Variants in WDPCP observed in about 807,000 individuals in gnomAD.
WDPCP encodes WD repeat containing planar cell polarity effector.
WDPCP carries 71 observed loss-of-function variants against 93.1 expected under a neutral mutation model. That is an observed-to-expected ratio of 0.76 (90% CI 0.63 to 0.93). The LOEUF (loss-of-function observed/expected upper bound fraction) is 0.93. Among genes scored for constraint, WDPCP ranks in the 40% least tolerant of loss-of-function variants. The pLI, the probability that WDPCP is intolerant of heterozygous loss-of-function variation, is 0.00. For synonymous variants in WDPCP, 315 were observed against 315.0 expected, an observed-to-expected ratio of 1.00 and a Z score of 0.00; for missense variants, 844 against 887.4, an observed-to-expected ratio of 0.95 and a Z score of 0.62.
At position 63,759,450 on chromosome 2, in the gene WDPCP, A is replaced by G. The variant is rs140404021; in HGVS notation, n.308+54172T>C. ...ACTTGAGTACAGGACCAGCTACACA[A>G]TTGCAGGGCTTGGTACAAAACAAAA... On this transcript the variant is annotated intron_variant and non_coding_transcript_variant, in intron 2 of 4. Coordinates refer to the WDPCP transcript ENST00000467687. Among the ~76,000 whole-genome samples, 627 of 152,282 alleles carry G rather than the reference A, an allele frequency of 4.1e-3. 3 individuals are homozygous for G. Among genetic ancestry groups the G allele is most frequent in the African/African-American group, 0.014 (587 of 41,560 alleles).
chr2:63,811,817 G>A lies in WDPCP; in HGVS notation n.308+1805C>T, dbSNP rs1005583375. On this transcript the variant is annotated intron_variant and non_coding_transcript_variant, in intron 2 of 4. Transcript: ENST00000467687. ...ACTGTTTTCATCTTTGTGTTCATGT[G>A]TACCCACTGTTTAGCTCCCACTTAC... is the stretch of plus-strand genomic sequence containing the variant. Among the ~76,000 whole-genome samples, 3 of 151,966 alleles carry A rather than the reference G, an allele frequency of 2.0e-5. No homozygotes were observed. In the South Asian group the frequency reaches 6.2e-4, roughly 32 times the overall value.
At chr2:63,291,673 G>A (rs1345653350) in intron 13 of WDPCP, among the ~76,000 whole-genome samples, 2 of 152,242 alleles carry the variant, frequency 1.3e-5, no homozygotes, top group South Asian at 4.1e-4. Context: ...GCTGGGCATG[G>A]TGGCTTATGC....
chr2:63,717,839 C>G, intron 2 of WDPCP: 1 of 235,096 alleles, frequency 4.3e-6, no homozygotes, highest in Non-Finnish European at 8.4e-6. Context: ...GAGCCCGAGG[C>G]CTCCCTCTAG....
chr2:63,166,902 T>C (rs1673033741), intron 15 of WDPCP, among the ~76,000 whole-genome samples: 1 of 152,216 alleles, frequency 6.6e-6, no homozygotes, highest in Non-Finnish European at 1.5e-5. Flanking sequence ...ACTCATTCTA[T>C]CTGATTGTAT....
rs752158034 is a variant in WDPCP at position 63,484,979 on chromosome 2, A to C, written c.262T>G (p.Tyr88Asp). 2 of 1,612,562 alleles carry C rather than the reference A, an allele frequency of 1.2e-6. No individual in the cohort carries two copies. The highest frequency in any genetic ancestry group is 1.7e-6 in the Non-Finnish European group (2 of 1,178,958). ...KKQKLAESRDYPWTLKNRRPE... is the reference protein window; with the variant it reads ...KKQKLAESRDDPWTLKNRRPE... ...CGTCTGTTTTTGAGCGTCCAAGGAT[A>C]ATCTCGTGCTGGCAAATAAAACATG... is the stretch of plus-strand genomic sequence containing the variant. The change falls in exon 5 of 18, where the codon TAT becomes GAT. Residue 88 changes from tyrosine to aspartate, a missense_variant. Coordinates refer to ENST00000272321, the MANE Select transcript of WDPCP (RefSeq NM_015910.7).
intron 1 of WDPCP, among the ~76,000 whole-genome samples, chr2:63,526,164 T>C (rs182799362): frequency 6.6e-6 from 1 of 152,278 alleles, no homozygotes; most frequent in Admixed American, 6.5e-5. Flanking sequence ...TACCAGCCCT[T>C]CTATTTAAGG....
chr2:63,612,931 C>CTTTTTTTTTTTTT (rs553611122), intron 3 of WDPCP, among the ~76,000 whole-genome samples: 2 of 142,242 alleles, frequency 1.4e-5, no homozygotes, highest in Non-Finnish European at 3.1e-5. Flanking sequence ...TTCTTTCTTT[C>CTTTTTTTTTTTTT]TTTTTTTTTT....
At chr2:63,744,417 A>C (rs1000572449) in intron 2 of WDPCP, among the ~76,000 whole-genome samples, 1 of 152,140 alleles carries the variant, frequency 6.6e-6, no homozygotes, top group African/African-American at 2.4e-5. Context: ...TGTTGCTGCC[A>C]TCAAAGGAAC....
chr2:63,346,147 A>G (rs1689175267), intron 12 of WDPCP, among the ~76,000 whole-genome samples: 1 of 152,266 alleles, frequency 6.6e-6, no homozygotes, highest in South Asian at 2.1e-4. Flanking sequence ...CAAGAGATGG[A>G]GCTAATTGCT....
At chr2:63,802,237 G>A (rs1012189213) in intron 2 of WDPCP, among the ~76,000 whole-genome samples, 8 of 118,368 alleles carry the variant, frequency 6.8e-5, no homozygotes, top group Non-Finnish European at 1.3e-4. Flanking sequence ...CTTGCATCCA[G>A]GAGTTTGAGA....
At chr2:63,808,805 C>A (rs1046930572) in intron 2 of WDPCP, among the ~76,000 whole-genome samples, 1 of 151,922 alleles carries the variant, frequency 6.6e-6, no homozygotes, top group Non-Finnish European at 1.5e-5. Context: ...GGCCGCCCAT[C>A]GTCTGGGACA....
intron 3 of WDPCP, chr2:63,598,087 AAT>A (rs1709352154): frequency 6.6e-6 from 1 of 152,070 alleles, no homozygotes; most frequent in African/African-American, 2.4e-5. Context: ...TTTAGATTCT[AAT>A]ATGTCTTAAT....
chr2:63,404,356 G>A lies in WDPCP; in HGVS notation c.1127C>T (p.Thr376Ile), dbSNP rs1423057040. The A allele has an allele frequency of 6.2e-7, 1 of 1,614,066 alleles. No individual in the cohort carries two copies. Among genetic ancestry groups the A allele is most frequent in the Non-Finnish European group, 8.5e-7 (1 of 1,180,022 alleles). ...GCTTATTAATGAAGGCAAAAGTTCA[G>A]TCTGTGCTAAGAGAGTCACTCTACG... Reference protein sequence around the residue: ...THRRVTLLAQTELLPSLISCH... With the variant: ...THRRVTLLAQIELLPSLISCH... The change falls in exon 10 of 18, where the codon ACT becomes ATT. Residue 376 changes from threonine to isoleucine, a missense_variant. By Grantham distance (89) the Thr-to-Ile change is moderately conservative. Coordinates refer to ENST00000272321, the MANE Select transcript of WDPCP (RefSeq NM_015910.7).
Position 63,286,310 on chromosome 2 carries a change from GC to G in WDPCP, c.1813-26902del, listed in dbSNP as rs370752350. ...AAGATCCACAAAAGAAGTGAAAATA[GC>G]CTTAACTGATGACATTCCACCATTG... is the stretch of plus-strand genomic sequence containing the variant. On this transcript the variant is annotated intron_variant, in intron 13 of 17. Transcript: ENST00000272321. Among the ~76,000 whole-genome samples the G allele has an allele frequency of 2.6e-4, 39 of 152,256 alleles. No homozygotes were observed. In the East Asian group the frequency reaches 5.0e-3, roughly 20 times the overall value.
At chr2:63,460,662 C>CT (rs923202631) in intron 6 of WDPCP, among the ~76,000 whole-genome samples, 34 of 149,364 alleles carry the variant, frequency 2.3e-4, no homozygotes, top group South Asian at 6.4e-4. Flanking sequence ...GTAAGTCTCT[C>CT]TTTTTTTTTT....
chr2:63,476,293 C>T (rs148355138), intron 6 of WDPCP, among the ~76,000 whole-genome samples: 79 of 152,180 alleles, frequency 5.2e-4, no homozygotes, highest in Middle Eastern at 3.4e-3. Context: ...TCCAAGGTGC[C>T]TTTCTAGTCC....
chr2:63,129,186 C>T (rs1172014746), intron 17 of WDPCP, among the ~76,000 whole-genome samples: 1 of 152,090 alleles, frequency 6.6e-6, no homozygotes, highest in Non-Finnish European at 1.5e-5. Flanking sequence ...CTGTCAGTGG[C>T]CATTTTGGTT....
chr2:63,357,311 A>G (rs1417634496), intron 12 of WDPCP, among the ~76,000 whole-genome samples: 2 of 152,194 alleles, frequency 1.3e-5, no homozygotes, highest in Non-Finnish European at 2.9e-5. Flanking sequence ...ACAGCTAAAG[A>G]AACCAACAGA....
intron 3 of WDPCP, among the ~76,000 whole-genome samples, chr2:63,633,821 G>A (rs555471224): frequency 1.8e-4 from 27 of 152,234 alleles, no homozygotes; most frequent in African/African-American, 5.8e-4. Context: ...CAGCACTTTC[G>A]GAGGCCAAGG....
Sources: allele counts gnomAD v4.1 joint callset (sites outside exome capture counted in the v4.1 genomes callset), GRCh38; gene constraint gnomAD v4.1.1; transcripts MANE v1.5; gene names NCBI Gene and HGNC (gene_info 2026-07-23, HGNC 2026-07-21).